The following CMTM2 variants were observed in gnomAD, a reference collection of about 807,000 sequenced individuals.
CMTM2 encodes CKLF-like MARVEL transmembrane domain-containing protein 2.
A neutral mutation model predicts 16.8 loss-of-function variants in CMTM2; 15 were observed. The ratio of observed to expected loss-of-function variants is 0.89; its 90% CI spans 0.60 to 1.37. CMTM2 has a LOEUF of 1.37. Among genes scored for constraint, CMTM2 ranks in the 40% most tolerant of loss-of-function variants. The pLI is 0.00. For missense variants in CMTM2, 282 were observed against 318.0 expected (o/e 0.89, Z 0.86); for synonymous variants, 117 against 118.7 (o/e 0.99, Z 0.09).
intron 2 of CMTM2, among the ~76,000 whole-genome samples, chr16:66,581,713 A>T (rs2014737685): frequency 6.6e-6 from 1 of 152,256 alleles, no homozygotes; most frequent in South Asian, 2.1e-4. Context: ...GGAATAAGAA[A>T]ACATGTTCAT....
At chr16:66,581,677 C>T (rs1257754958) in intron 2 of CMTM2, among the ~76,000 whole-genome samples, 1 of 152,252 alleles carries the variant, frequency 6.6e-6, no homozygotes, top group Non-Finnish European at 1.5e-5. Context: ...GACAAAGACA[C>T]ATACCCTTCT....
rs759434314 is a variant in CMTM2 at position 66,579,825 on chromosome 16, G to A, written c.218G>A (p.Trp73Ter). 1.9e-6 allele frequency: 3 copies of A among 1,613,848 alleles called. No homozygotes were observed. In the South Asian group the frequency reaches 3.3e-5, roughly 18 times the overall value. Residue 73 changes from tryptophan (W) to a stop codon, truncating the protein, a stop_gained, in exon 1 of 4, where the codon TGG (tryptophan) becomes TAG (stop). Transcript: ENST00000268595. LOFTEE classifies it high-confidence loss of function. The surrounding 1 kb of genome is among the most constrained non-coding windows in gnomAD (Gnocchi z 6.5). ...AGGAGGGGGTGTCGCCGCTACCGGT[G>A]GGAATTAAAAGACAGCAATAAAGAG... ...GTRRGCRRYR[W>*]ELKDSNKEFW...
At chr16:66,580,390 G>A (rs1259190730) in intron 2 of CMTM2, 2 of 583,432 alleles carry the variant, frequency 3.4e-6, no homozygotes, top group Non-Finnish European at 6.1e-6. Flanking sequence ...AAGCCTATCT[G>A]TGTGTTGGAG....
intron 3 of CMTM2, among the ~76,000 whole-genome samples, 166 bp from the exon 4 acceptor site, chr16:66,587,753 A>G (rs35097605): frequency 0.7 from 105,883 of 152,022 alleles, 38,308 homozygotes; most frequent in African/African-American, 0.9. Context: ...GGAGAAGGCA[A>G]AGGCTGAGGG....
intron 2 of CMTM2, 72 bp from the exon 3 acceptor site, chr16:66,586,925 C>A (rs1219063292): frequency 2.0e-6 from 2 of 1,019,664 alleles, no homozygotes; most frequent in Non-Finnish European, 3.1e-6. Context: ...TTGGAGGAAG[C>A]TAGCCAGGGT....
rs746230824 is a variant in CMTM2, at chr16:66,579,831, TAA to T, written c.227_228del (p.Lys76ArgfsTer4). The stretch of plus-strand genomic sequence containing the variant: ...GGGTGTCGCCGCTACCGGTGGGAAT[TAA>T]AAGACAGCAATAAAGAGTTCTGGCT... On this transcript the variant is annotated frameshift_variant, in exon 1 of 4. Coordinates refer to ENST00000268595, the MANE Select transcript of CMTM2 (RefSeq NM_144673.3). LOFTEE classifies it high-confidence loss of function. This position sits in a 1 kb window ranked among gnomAD's most constrained non-coding sequence, Gnocchi z 6.5. 6.2e-7 allele frequency: 1 copy of T among 1,612,478 alleles called. No homozygotes were observed. The highest frequency in any genetic ancestry group is 1.1e-5 in the South Asian group (1 of 91,054).
chr16:66,584,320 C>G (rs941899410), intron 2 of CMTM2, among the ~76,000 whole-genome samples: 1 of 152,024 alleles, frequency 6.6e-6, no homozygotes, highest in Admixed American at 6.6e-5. Flanking sequence ...AGGTGTGAGC[C>G]ACCACACCCA....
intron 2 of CMTM2, among the ~76,000 whole-genome samples, chr16:66,585,588 C>T (rs1404041243): frequency 1.3e-5 from 2 of 151,998 alleles, no homozygotes; most frequent in African/African-American, 4.8e-5. Flanking sequence ...GAAAACTGCA[C>T]ATCAGCTTCC....
At chr16:66,580,422 T>C (rs1296693574) in intron 2 of CMTM2, 1 of 523,450 alleles carries the variant, frequency 1.9e-6, no homozygotes, top group South Asian at 2.3e-5. Flanking sequence ...AACTCTTACT[T>C]ACCTGGTGGT....
chr16:66,581,843 T>C (rs1005617200), intron 2 of CMTM2, among the ~76,000 whole-genome samples: 9 of 152,202 alleles, frequency 5.9e-5, no homozygotes, highest in Non-Finnish European at 1.2e-4. Flanking sequence ...GAAACCTTCA[T>C]GCAGCCCAGA....
intron 2 of CMTM2, among the ~76,000 whole-genome samples, chr16:66,583,548 G>A (rs1252574268): frequency 6.6e-6 from 1 of 151,720 alleles, no homozygotes; most frequent in African/African-American, 2.4e-5. Flanking sequence ...AAACTACAAG[G>A]TGTCTAAGAA....
At chr16:66,587,672 G>A (rs577590395) in intron 3 of CMTM2, among the ~76,000 whole-genome samples, 2 of 152,310 alleles carry the variant, frequency 1.3e-5, no homozygotes, top group East Asian at 3.9e-4. Context: ...CGACCCCAGA[G>A]CAAACAGTCC....
chr16:66,579,668 G>A lies in CMTM2; in HGVS notation c.61G>A (p.Gly21Arg), dbSNP rs1597189065. The A allele has an allele frequency of 2.5e-6, 4 of 1,613,780 alleles. No individual in the cohort carries two copies. The highest frequency in any genetic ancestry group is 3.4e-6 in the Non-Finnish European group (4 of 1,179,978). The change falls in exon 1 of 4, where the codon GGG becomes AGG. Residue 21 changes from glycine to arginine, a missense_variant. Transcript: ENST00000268595. The surrounding 1 kb of genome is among the most constrained non-coding windows in gnomAD (Gnocchi z 6.5). The stretch of plus-strand genomic sequence containing the variant: ...GCCAGCACCAGCTCCACCTCCACCC[G>A]GGGCCAAACCCGAGGAAGACAAGAA... ...PEPAPAPPPPGAKPEEDKKDG... is the reference protein window; with the variant it reads ...PEPAPAPPPPRAKPEEDKKDG...
chr16:66,585,023 C>CGCAA (rs1218596109), intron 2 of CMTM2, among the ~76,000 whole-genome samples: 4 of 151,558 alleles, frequency 2.6e-5, no homozygotes, highest in African/African-American at 9.7e-5. Context: ...CTCGGCTCAC[C>CGCAA]GCAACCTCTG....
intron 2 of CMTM2, chr16:66,586,780 T>G (rs966287944): frequency 1.7e-5 from 9 of 543,576 alleles, no homozygotes; most frequent in Non-Finnish European, 3.0e-5. Flanking sequence ...ACGAGGGCAT[T>G]TTAGCATCCT....
At chr16:66,585,699 T>C (rs2014784844) in intron 2 of CMTM2, among the ~76,000 whole-genome samples, 1 of 152,132 alleles carries the variant, frequency 6.6e-6, no homozygotes. Flanking sequence ...CAAAGAGGCC[T>C]AAAGGGGACG....
chr16:66,579,753 C>T lies in CMTM2; in HGVS notation c.146C>T (p.Ser49Leu). 2.5e-6 allele frequency: 4 copies of T among 1,613,966 alleles called. No individual in the cohort carries two copies. The highest frequency in any genetic ancestry group is 2.2e-5 in the South Asian group (2 of 91,068). ...QKAVQDHKEP[S>L]DKPQKAVQPK... ...GCGGTGCAGGACCATAAGGAGCCAT[C>T]GGACAAACCTCAAAAGGCGGTGCAG... The change falls in exon 1 of 4, where the codon TCG becomes TTG. Residue 49 changes from serine (S) to leucine (L), a missense_variant. Transcript: ENST00000268595. The surrounding 1 kb of genome is among the most constrained non-coding windows in gnomAD (Gnocchi z 6.5).
At chr16:66,582,518 T>C (rs1037303940) in intron 2 of CMTM2, among the ~76,000 whole-genome samples, 19 of 152,100 alleles carry the variant, frequency 1.2e-4, no homozygotes, top group Admixed American at 2.0e-4. Flanking sequence ...CTGGACAACA[T>C]AGGGAGACCC....
chr16:66,585,074 G>A (rs2014778005), intron 2 of CMTM2, among the ~76,000 whole-genome samples: 1 of 151,802 alleles, frequency 6.6e-6, no homozygotes, highest in Non-Finnish European at 1.5e-5. Flanking sequence ...AGCCTCTTGA[G>A]TAGCTGGGAT....
Sources: allele counts gnomAD v4.1 joint callset (sites outside exome capture counted in the v4.1 genomes callset), GRCh38; gene constraint gnomAD v4.1.1; non-coding constraint Gnocchi (gnomAD v3.1); transcripts MANE v1.5; gene names NCBI Gene and HGNC (gene_info 2026-07-23, HGNC 2026-07-21).